The following MYG1 variants were observed in gnomAD, a reference collection of about 807,000 sequenced individuals.
MYG1 encodes the protein MYG1 exonuclease, also known as UPF0160 protein MYG1, mitochondrial.
In MYG1, 36 loss-of-function variants were observed where a neutral mutation model predicts 43.5. The observed-to-expected ratio is 0.83, with a 90% CI of 0.63 to 1.09. MYG1 has a LOEUF of 1.09. Ranked by LOEUF, MYG1 falls within the 50% of genes least tolerant of loss-of-function variation. The pLI is 0.00. For synonymous variants in MYG1, 220 were observed against 202.8 expected (o/e 1.08, Z -0.72); for missense variants, 529 against 495.1 (o/e 1.07, Z -0.65).
At chr12:53,303,369 C>T in intron 3 of MYG1, 176 bp downstream of exon 3, 1 of 652,088 alleles carries the variant, frequency 1.5e-6, no homozygotes, top group Non-Finnish European at 2.5e-6. Context: ...GTGATACCTC[C>T]CCTGTCTACA....
Position 53,303,194 on chromosome 12 carries a change from G to A in MYG1, c.489+1G>A. ...CATGGTGGGCACCCTCTATGACAAG[G>A]TGGGGACCTGAGGACAGAGATGCCC... On this transcript the variant is annotated splice_donor_variant, in intron 3 of 6. Transcript: ENST00000267103. LOFTEE classifies it high-confidence loss of function. 1 of 1,613,288 alleles carries A rather than the reference G, an allele frequency of 6.2e-7. No homozygotes were observed.
chr12:53,305,078 C>T (rs917386751), intron 3 of MYG1, among the ~76,000 whole-genome samples: 5 of 150,720 alleles, frequency 3.3e-5, no homozygotes, highest in South Asian at 2.1e-4. Context: ...CCGTTTTAGC[C>T]GGGATGGTCT....
In MYG1 at chr12:53,305,923, G is replaced by A. The variant is rs1256755715; in HGVS notation, c.505G>A (p.Val169Met). 1.2e-6 allele frequency: 2 copies of A among 1,605,278 alleles called. No individual in the cohort carries two copies. The highest frequency in any genetic ancestry group is 2.2e-5 in the East Asian group (1 of 44,824). The change falls in exon 4 of 7, where the codon GTG becomes ATG. Residue 169 changes from valine to methionine, a missense_variant. Coordinates refer to ENST00000267103, the MANE Select transcript of MYG1 (RefSeq NM_021640.4). ...GCTGCCTTAGATGTATGAGAACTTTGTGGAGGAGGTGGATGCTGTGGACAA... is the reference window on the plus strand; with the variant it reads ...GCTGCCTTAGATGTATGAGAACTTTATGGAGGAGGTGGATGCTGTGGACAA... ...TLYDKMYENFVEEVDAVDNGI... is the reference protein window; with the variant it reads ...TLYDKMYENFMEEVDAVDNGI...
intron 1 of MYG1, 42 bp downstream of exon 1, chr12:53,299,995 T>G: frequency 6.2e-7 from 1 of 1,607,718 alleles, no homozygotes; most frequent in Non-Finnish European, 8.5e-7. Context: ...CGTGCATGCA[T>G]GCCTCCGGGG....
At position 53,305,774 on chromosome 12, in the gene MYG1, C is replaced by T. The variant is rs371687258; in HGVS notation, c.490-134C>T. 1.3e-3 allele frequency: 1,534 copies of T among 1,202,370 alleles called. 34 individuals are homozygous for T. The South Asian group carries it at 0.024, about 19-fold the overall frequency. The allele number at this position is 1,202,370 out of a possible 1,614,324, so 74.5% of individuals were successfully genotyped here. A position where few individuals can be genotyped will look rare whatever the true frequency, so the allele number is the denominator to read the frequency against. On this transcript the variant is annotated intron_variant, in intron 3 of 6. Transcript: ENST00000267103. Reference sequence around the variant, plus strand: ...GCGAGCTGCTGAACTTGCCAATTCTCCCTTTTCTCATCCAGTTAATGTTGA... The same window carrying T: ...GCGAGCTGCTGAACTTGCCAATTCTTCCTTTTCTCATCCAGTTAATGTTGA...
At position 53,306,026 on chromosome 12, in the gene MYG1, A is replaced by C; in HGVS notation, c.608A>C (p.Asn203Thr). 6.2e-7 allele frequency: 1 copy of C among 1,614,004 alleles called. No homozygotes were observed. Among genetic ancestry groups the C allele is most frequent in the Non-Finnish European group, 8.5e-7 (1 of 1,179,946 alleles). ...TTLSARVARL[N>T]PTWNHPDQDT... Reference sequence around the variant, plus strand: ...CTGAGTGCACGAGTTGCTCGACTTAATCCTACCTGGAACCACCCCGACCAA... The same window carrying C: ...CTGAGTGCACGAGTTGCTCGACTTACTCCTACCTGGAACCACCCCGACCAA... Residue 203 changes from asparagine to threonine, a missense_variant, in exon 4 of 7, where the codon AAT (asparagine) becomes ACT (threonine). Physicochemically the swap from Asn to Thr is moderately conservative, Grantham distance 65. Transcript: ENST00000267103.
chr12:53,305,805 C>T, intron 3 of MYG1, 103 bp from the exon 4 acceptor site: 1 of 1,408,370 alleles, frequency 7.1e-7, no homozygotes, highest in East Asian at 2.4e-5. Context: ...GTTGAGAGAT[C>T]CTCACAGGGC....
chr12:53,300,253 A>G lies in MYG1; in HGVS notation c.320A>G (p.His107Arg). 6.3e-7 allele frequency: 1 copy of G among 1,575,278 alleles called. No homozygotes were observed. The highest frequency in any genetic ancestry group is 8.6e-7 in the Non-Finnish European group (1 of 1,160,040). Residue 107 changes from histidine (H) to arginine (R), a missense_variant, in exon 2 of 7, where the codon CAT becomes CGT. Coordinates refer to ENST00000267103, the MANE Select transcript of MYG1 (RefSeq NM_021640.4). The part of the protein sequence containing the change: ...EYDPRRHRYD[H>R]HQRSFTETMS... ...GACCCTCGGAGACACCGATATGACC[A>G]TCACCAGAGGTAGGTTCTCAGATAC...
At chr12:53,303,012 C>A in intron 2 of MYG1, 22 bp from the exon 3 acceptor site, 1 of 1,580,786 alleles carries the variant, frequency 6.3e-7, no homozygotes, top group South Asian at 1.1e-5. Context: ...TCACCTCAGC[C>A]CCACCTCCCT....
chr12:53,304,643 C>T (rs1265673388), intron 3 of MYG1, among the ~76,000 whole-genome samples: 2 of 151,774 alleles, frequency 1.3e-5, no homozygotes, highest in Non-Finnish European at 2.9e-5. Context: ...AGGTTGGAGT[C>T]CAGTGGTGCC....
At chr12:53,306,572 G>C (rs1306954657) in intron 5 of MYG1, 108 bp from the exon 6 acceptor site, 1 of 1,257,932 alleles carries the variant, frequency 7.9e-7, no homozygotes, top group Non-Finnish European at 1.1e-6. Context: ...TCAAATTCCT[G>C]GGCTCAACTG....
chr12:53,299,957 CG>C lies in MYG1; in HGVS notation c.216+6del, dbSNP rs1279808215. On this transcript the variant is annotated splice_donor_5th_base_variant and intron_variant, in intron 1 of 6. Coordinates refer to ENST00000267103, the MANE Select transcript of MYG1 (RefSeq NM_021640.4). Reference sequence around the variant, plus strand: ...TCGCCTCCTGCCGGAGTACCGGGTACGGTCCGCGAAAAGTGACCCTGGGACT... The same window carrying C: ...TCGCCTCCTGCCGGAGTACCGGGTACGTCCGCGAAAAGTGACCCTGGGACT... 5 of 1,613,972 alleles carry C rather than the reference CG, an allele frequency of 3.1e-6. No homozygotes were observed. Among genetic ancestry groups the C allele is most frequent in the Non-Finnish European group, 3.4e-6 (4 of 1,180,000 alleles).
intron 2 of MYG1, 196 bp downstream of exon 2, chr12:53,300,458 G>C (rs894809779): frequency 2.5e-5 from 12 of 474,346 alleles, no homozygotes; most frequent in African/African-American, 2.0e-4. Context: ...GACCTCCTTT[G>C]GTTCCCAGGG....
chr12:53,305,974 G>A lies in MYG1; in HGVS notation c.556G>A (p.Glu186Lys), dbSNP rs780245809. 3.9e-5 allele frequency: 63 copies of A among 1,613,934 alleles called. 1 individual carries two copies. Among genetic ancestry groups the A allele is most frequent in the Non-Finnish European group, 5.1e-5 (60 of 1,179,980 alleles). The change falls in exon 4 of 7, where the codon GAG becomes AAG. Residue 186 changes from glutamate (E) to lysine (K), a missense_variant. By Grantham distance (56) the Glu-to-Lys change is moderately conservative. Coordinates refer to ENST00000267103, the MANE Select transcript of MYG1 (RefSeq NM_021640.4). ...TGGGATCTCCCAGTGGGCAGAGGGG[G>A]AGCCTCGATATGCACTGACCACTAC... ...DNGISQWAEG[E>K]PRYALTTTLS...
intron 3 of MYG1, chr12:53,303,411 A>G (rs1410223109): frequency 1.9e-5 from 10 of 517,282 alleles, no homozygotes; most frequent in African/African-American, 1.8e-4. Flanking sequence ...TGGATGCTGT[A>G]ATATATGGGG....
At chr12:53,303,525 T>C in intron 3 of MYG1, 1 of 225,828 alleles carries the variant, frequency 4.4e-6, no homozygotes, top group Non-Finnish European at 8.7e-6. Context: ...AGGCTGCTTA[T>C]GTGTGGAAGC....
chr12:53,301,492 C>T (rs1202601192), intron 2 of MYG1, among the ~76,000 whole-genome samples: 1 of 152,174 alleles, frequency 6.6e-6, no homozygotes, highest in Non-Finnish European at 1.5e-5. Context: ...CTCACCCTTG[C>T]TTCTCAGCCA....
At position 53,307,125 on chromosome 12, in the gene MYG1, C is replaced by T. The variant is rs1944293634; in HGVS notation, c.1107C>T (p.Arg369=). 2 of 1,611,632 alleles carry T rather than the reference C, an allele frequency of 1.2e-6. No individual in the cohort carries two copies. Among genetic ancestry groups the T allele is most frequent in the African/African-American group, 2.7e-5 (2 of 74,994 alleles). The change falls in exon 7 of 7, where the codon CGC becomes CGT. Residue 369 remains arginine, a synonymous_variant. Coordinates refer to ENST00000267103, the MANE Select transcript of MYG1 (RefSeq NM_021640.4). ...LSMARATLAQ[R]SYLPQIS is the part of the protein sequence containing the mutation. ...TGGCCCGTGCCACCTTGGCCCAGCGCTCATACCTCCCACAAATCTCCTAGT... is the reference window on the plus strand; with the variant it reads ...TGGCCCGTGCCACCTTGGCCCAGCGTTCATACCTCCCACAAATCTCCTAGT...
chr12:53,302,229 T>G (rs1281802328), intron 2 of MYG1, among the ~76,000 whole-genome samples: 1 of 152,182 alleles, frequency 6.6e-6, no homozygotes, highest in Non-Finnish European at 1.5e-5. Context: ...TGATCACGCC[T>G]TGGCCTCCCA....
Sources: gnomAD v4.1 joint callset for allele counts (sites outside exome capture counted in the v4.1 genomes callset) on GRCh38, gnomAD v4.1.1 for gene constraint, MANE v1.5 for transcripts, NCBI Gene and HGNC (gene_info 2026-07-23, HGNC 2026-07-21) for gene names.